COPG2: variants seen among roughly 807,000 people sequenced by gnomAD.
The protein encoded by COPG2 is coatomer subunit gamma-2.
Under a neutral mutation model 46.3 loss-of-function variants are expected in COPG2, and 37 were observed. That is an observed-to-expected ratio of 0.80 (90% CI 0.61 to 1.05). The LOEUF (loss-of-function observed/expected upper bound fraction) is 1.05. COPG2 is among the 50% of genes least tolerant of loss of function. COPG2 has a pLI of 0.00. For missense variants in COPG2, 427 were observed against 387.8 expected, an observed-to-expected ratio of 1.10 and a Z score of -0.85; for synonymous variants, 159 against 129.7, an observed-to-expected ratio of 1.23 and a Z score of -1.53.
intron 20 of COPG2, chr7:130,510,999 T>G (rs1799586030): frequency 3.9e-6 from 2 of 519,214 alleles, no homozygotes; most frequent in African/African-American, 3.9e-5. Context: ...ATTAAGCTTG[T>G]CTTGTGAGGA....
intron 20 of COPG2, among the ~76,000 whole-genome samples, chr7:130,546,512 C>T (rs1272159148): frequency 1.1e-4 from 16 of 152,146 alleles, no homozygotes; most frequent in Non-Finnish European, 2.1e-4. Flanking sequence ...AGGAAAGTGC[C>T]TTCCTACTCA....
chr7:130,554,328 A>AAATTGAGTAC (rs1793583543), intron 14 of COPG2, among the ~76,000 whole-genome samples, 153 bp downstream of exon 14: 1 of 152,202 alleles, frequency 6.6e-6, no homozygotes, highest in East Asian at 1.9e-4. Context: ...ATGAGGGTGG[A>AAATTGAGTAC]AATTGAGTAC....
rs782674348 is a variant in COPG2, at chr7:130,577,767, C to CAA, written c.738-13376_738-13375dup. Among the ~76,000 whole-genome samples, 131 of 77,972 alleles carry CAA rather than the reference C, an allele frequency of 1.7e-3. 3 individuals carry two copies. Among genetic ancestry groups the CAA allele is most frequent in the African/African-American group, 4.8e-3 (61 of 12,684 alleles). 51.2% of individuals were successfully genotyped at this position (77,972 alleles called of 152,430 possible). On this transcript the variant is annotated intron_variant, in intron 9 of 23. Coordinates refer to ENST00000425248, the MANE Select transcript of COPG2 (RefSeq NM_012133.6). ...TGGGCGACAGAGCGAGACTCCGTCT[C>CAA]AAAAAAAAAAAAAAAAAAAAACAAA... is the stretch of plus-strand genomic sequence containing the variant.
At chr7:130,593,846 C>T (rs1794477562) in intron 9 of COPG2, among the ~76,000 whole-genome samples, 2 of 151,716 alleles carry the variant, frequency 1.3e-5, no homozygotes, top group Non-Finnish European at 2.9e-5. Context: ...GAAAATAGTA[C>T]AGAGGATATA....
At position 130,547,744 on chromosome 7, in the gene COPG2, G is replaced by A; in HGVS notation, c.2079C>T (p.Pro693=). 1 of 398,706 alleles carries A rather than the reference G, an allele frequency of 2.5e-6. No individual in the cohort carries two copies. Among genetic ancestry groups the A allele is most frequent in the East Asian group, 3.6e-5 (1 of 28,076 alleles). 24.7% of individuals were successfully genotyped at this position (398,706 alleles called of 1,614,324 possible). Residue 693 remains proline (P), a synonymous_variant, in exon 20 of 24, where the codon CCC becomes CCT. Transcript: ENST00000425248. ...TTCCTGGTTGGTTATAAGGAAGGCT[G>A]GGGGCTGGGATACAAGACAGCACTT... The part of the protein sequence containing the change: ...SYEVLSCIPA[P]SLPYNQPGIC...
intron 20 of COPG2, among the ~76,000 whole-genome samples, chr7:130,534,614 G>A (rs1009432096): frequency 1.2e-4 from 18 of 152,296 alleles, no homozygotes; most frequent in Non-Finnish European, 5.9e-5. Flanking sequence ...GTGGTAGTCA[G>A]GGTGGCAGAG....
chr7:130,589,334 G>A lies in COPG2; in HGVS notation c.737+21619C>T, dbSNP rs1014916867. Among the ~76,000 whole-genome samples, 4 of 151,448 alleles carry A rather than the reference G, an allele frequency of 2.6e-5. 1 individual carries two copies. Among genetic ancestry groups the A allele is most frequent in the South Asian group, 4.2e-4 (2 of 4,782 alleles). On this transcript the variant is annotated intron_variant, in intron 9 of 23. Coordinates refer to ENST00000425248, the MANE Select transcript of COPG2 (RefSeq NM_012133.6). ...ACTGTGTCACCTAGGCTACAGTGCA[G>A]TAGCAATTTACAGGTGTGATCACAG...
rs782532871 is a variant in COPG2, at chr7:130,508,560, A to G, written c.2247+2T>C. 3 of 774,060 alleles carry G rather than the reference A, an allele frequency of 3.9e-6. No individual in the cohort carries two copies. Among genetic ancestry groups the G allele is most frequent in the Non-Finnish European group, 4.8e-6 (2 of 415,054 alleles). 47.9% of individuals were successfully genotyped at this position (774,060 alleles called of 1,614,324 possible). A position where few individuals can be genotyped will look rare whatever the true frequency, so the allele number is the denominator to read the frequency against. The stretch of plus-strand genomic sequence containing the variant: ...GAAAGTCTCTATGCTGGGAAGACTC[A>G]CCACATACTCATCATCATACCCATC... On this transcript the variant is annotated splice_donor_variant, in intron 21 of 23. Transcript: ENST00000425248. LOFTEE classifies it high-confidence loss of function.
At chr7:130,513,303 AAAAAAATATATATAT>A (rs1446938017) in intron 20 of COPG2, among the ~76,000 whole-genome samples, 21 of 46,728 alleles carry the variant, frequency 4.5e-4, no homozygotes, top group African/African-American at 1.8e-3. Context: ...AAAAAAAAAA[AAAAAAATATATATAT>A]ATATATATAT....
intron 5 of COPG2, among the ~76,000 whole-genome samples, chr7:130,633,267 C>A (rs577685748): frequency 1.3e-5 from 2 of 152,042 alleles, no homozygotes; most frequent in Non-Finnish European, 1.5e-5. Flanking sequence ...CCCAGTAATG[C>A]GATTACTGGC....
intron 21 of COPG2, 82 bp downstream of exon 21, chr7:130,508,480 C>T: frequency 4.4e-6 from 3 of 677,674 alleles, no homozygotes; most frequent in Non-Finnish European, 8.1e-6. Flanking sequence ...GTCAGATGCT[C>T]CTAGAAAAAT....
rs1214652270 is a variant in COPG2, at chr7:130,668,653, C to G, written c.16G>C (p.Asp6His). 2 of 1,543,158 alleles carry G rather than the reference C, an allele frequency of 1.3e-6. No homozygotes were observed. The highest frequency in any genetic ancestry group is 1.7e-6 in the Non-Finnish European group (2 of 1,147,094). Residue 6 changes from aspartate (D) to histidine (H), a missense_variant, in exon 1 of 24, where the codon GAC (aspartate) becomes CAC (histidine). By Grantham distance (81) the Asp-to-His change is moderately conservative. Coordinates refer to ENST00000425248, the MANE Select transcript of COPG2 (RefSeq NM_012133.6). MIKKFDKKDEESGSGS... is the reference protein window; with the variant it reads MIKKFHKKDEESGSGS... ...GTACCAGACTCCTCGTCCTTCTTGT[C>G]GAATTTTTTAATCATCTTGGACGAC...
intron 4 of COPG2, among the ~76,000 whole-genome samples, chr7:130,654,252 T>G (rs1174666508): frequency 6.6e-6 from 1 of 152,110 alleles, no homozygotes; most frequent in African/African-American, 2.4e-5. Context: ...AGAACAAAAA[T>G]TTTAAATGTG....
chr7:130,511,389 T>A (rs184298601), intron 20 of COPG2: 18 of 519,814 alleles, frequency 3.5e-5, no homozygotes, highest in Admixed American at 2.1e-4. Context: ...GGGTGCAGCA[T>A]AGTGTGTAGG....
At chr7:130,569,764 C>A (rs1367127180) in intron 9 of COPG2, among the ~76,000 whole-genome samples, 1 of 152,024 alleles carries the variant, frequency 6.6e-6, no homozygotes, top group Non-Finnish European at 1.5e-5. Flanking sequence ...AAAAAGAAAA[C>A]TACAGACCAA....
intron 20 of COPG2, among the ~76,000 whole-genome samples, chr7:130,534,673 A>C (rs964079968): frequency 2.6e-5 from 4 of 152,108 alleles, no homozygotes; most frequent in Non-Finnish European, 5.9e-5. Flanking sequence ...AGTGGAGGAA[A>C]GGTAGAACAG....
At chr7:130,528,150 G>A (rs1799791309) in intron 20 of COPG2, among the ~76,000 whole-genome samples, 1 of 152,122 alleles carries the variant, frequency 6.6e-6, no homozygotes, top group Non-Finnish European at 1.5e-5. Flanking sequence ...CAGGGCGGGA[G>A]AGTCAGGTTG....
intron 12 of COPG2, among the ~76,000 whole-genome samples, chr7:130,560,608 G>A (rs1482817412): frequency 6.6e-6 from 1 of 152,152 alleles, no homozygotes; most frequent in African/African-American, 2.4e-5. Flanking sequence ...TACTGGTACT[G>A]GATTGACAAA....
intron 9 of COPG2, among the ~76,000 whole-genome samples, chr7:130,577,029 G>C (rs1424207311): frequency 1.3e-5 from 2 of 152,106 alleles, no homozygotes; most frequent in Non-Finnish European, 2.9e-5. Flanking sequence ...TGAATAAACT[G>C]CTGGAAAAAT....
Sources: allele counts gnomAD v4.1 joint callset (sites outside exome capture counted in the v4.1 genomes callset), GRCh38; gene constraint gnomAD v4.1.1; transcripts MANE v1.5; gene names NCBI Gene and HGNC (gene_info 2026-07-23, HGNC 2026-07-21).